RORA: variants seen among roughly 807,000 people sequenced by gnomAD.
RORA encodes the protein RAR related orphan receptor A.
RORA carries 7 observed loss-of-function variants against 69.5 expected under a neutral mutation model. The observed-to-expected ratio is 0.10, with a 90% confidence interval of 0.06 to 0.19. The LOEUF (loss-of-function observed/expected upper bound fraction) is 0.19, where lower values mean the gene tolerates loss of function less well. RORA is among the 10% of genes least tolerant of loss of function. The pLI, the probability that RORA is intolerant of heterozygous loss-of-function variation, is 1.00. For missense variants in RORA, 457 were observed against 663.0 expected, an observed-to-expected ratio of 0.69 and a Z score of 3.41; for synonymous variants, 261 against 240.8, an observed-to-expected ratio of 1.08 and a Z score of -0.78.
chr15:60,771,148 C>A (rs140974082), intron 1 of RORA, among the ~76,000 whole-genome samples: 1 of 151,648 alleles, frequency 6.6e-6, no homozygotes, highest in Non-Finnish European at 1.5e-5. Context: ...TAGACTGACT[C>A]TCTTTTCTTT....
intron 2 of RORA, among the ~76,000 whole-genome samples, chr15:60,591,953 G>A (rs963086052): frequency 1.3e-5 from 2 of 152,036 alleles, no homozygotes; most frequent in African/African-American, 4.8e-5. Flanking sequence ...CTGCCCGGCC[G>A]CGGCGCCTCC....
chr15:60,688,713 G>A (rs1313746917), intron 1 of RORA, among the ~76,000 whole-genome samples: 1 of 152,146 alleles, frequency 6.6e-6, no homozygotes, highest in Non-Finnish European at 1.5e-5. Context: ...GCTGATAAAG[G>A]TCTGAAAAAT....
chr15:60,910,599 G>A (rs1891677966), intron 1 of RORA, among the ~76,000 whole-genome samples: 1 of 152,118 alleles, frequency 6.6e-6, no homozygotes, highest in Admixed American at 6.5e-5. Context: ...TTAGACATGG[G>A]AGGACTGAGA....
intron 1 of RORA, among the ~76,000 whole-genome samples, chr15:60,716,184 G>C (rs1481214090): frequency 6.6e-6 from 1 of 152,166 alleles, no homozygotes; most frequent in African/African-American, 2.4e-5. Context: ...ACTAAACTTT[G>C]AGTAGCAAGA....
chr15:61,162,971 G>C (rs935925317), intron 1 of RORA, among the ~76,000 whole-genome samples: 1 of 152,226 alleles, frequency 6.6e-6, no homozygotes, highest in Non-Finnish European at 1.5e-5. Flanking sequence ...GCACTCAGCA[G>C]AACGATTCAT....
At chr15:61,090,842 C>T (rs1275913948) in intron 1 of RORA, among the ~76,000 whole-genome samples, 1 of 152,144 alleles carries the variant, frequency 6.6e-6, no homozygotes, top group Non-Finnish European at 1.5e-5. Flanking sequence ...TGCCTGATAG[C>T]TTTTGTCACC....
rs34652090 is a variant in RORA at position 61,024,451 on chromosome 15, G to GTT, written c.166+204600_166+204601dup. ...GGTGCAAGCTACCATGCCCGGTAAT[G>GTT]TTTTTTTTTTTTTTTGAGATGGAGT... is the stretch of plus-strand genomic sequence containing the variant. On this transcript the variant is annotated intron_variant, in intron 1 of 10. Coordinates refer to ENST00000335670, the MANE Select transcript of RORA (RefSeq NM_134261.3). Among the ~76,000 whole-genome samples the GTT allele has an allele frequency of 5.2e-3, 698 of 134,752 alleles. 5 individuals are homozygous for GTT. Among genetic ancestry groups the GTT allele is most frequent in the Middle Eastern group, 0.015 (4 of 266 alleles). 88.4% of individuals were successfully genotyped at this position (134,752 alleles called of 152,430 possible).
At chr15:61,164,257 G>A (rs2079522364) in intron 1 of RORA, among the ~76,000 whole-genome samples, 1 of 152,114 alleles carries the variant, frequency 6.6e-6, no homozygotes, top group Non-Finnish European at 1.5e-5. Context: ...CACATTTGCT[G>A]TCTCTCTGTA....
chr15:60,639,261 T>G (rs1596086741), intron 2 of RORA, among the ~76,000 whole-genome samples: 1 of 120,332 alleles, frequency 8.3e-6, no homozygotes, highest in African/African-American at 3.0e-5. Context: ...TGAAAAGAAA[T>G]AAAAACCAAG....
At chr15:60,973,828 T>C (rs1595855035) in intron 1 of RORA, among the ~76,000 whole-genome samples, 2 of 152,298 alleles carry the variant, frequency 1.3e-5, no homozygotes, top group East Asian at 3.9e-4. Flanking sequence ...GTCGGAGACA[T>C]GAATGCTGCC....
chr15:60,663,220 A>G (rs1596106810), intron 2 of RORA, among the ~76,000 whole-genome samples: 1 of 152,308 alleles, frequency 6.6e-6, no homozygotes, highest in East Asian at 1.9e-4. Flanking sequence ...GAATCTGAGC[A>G]TCTATTCTCT....
chr15:60,731,823 T>C (rs1294049714), intron 1 of RORA, among the ~76,000 whole-genome samples: 1 of 152,238 alleles, frequency 6.6e-6, no homozygotes, highest in Non-Finnish European at 1.5e-5. Flanking sequence ...TTAGCAGCCA[T>C]GAGTTTGAAT....
chr15:60,831,125 C>A (rs341391), intron 1 of RORA, among the ~76,000 whole-genome samples: 58,462 of 152,202 alleles, frequency 0.38, 12,198 homozygotes, highest in South Asian at 0.5. Context: ...CTGTGTCTTC[C>A]GCTCTCTTCT....
chr15:60,993,357 G>A lies in RORA; in HGVS notation c.166+235696C>T, dbSNP rs919012264. Among the ~76,000 whole-genome samples the A allele has an allele frequency of 1.1e-4, 17 of 151,484 alleles. No individual in the cohort carries two copies. In the East Asian group the frequency reaches 1.8e-3, roughly 16 times the overall value. On this transcript the variant is annotated intron_variant, in intron 1 of 10. Coordinates refer to ENST00000335670, the MANE Select transcript of RORA (RefSeq NM_134261.3). ...CAAAGCAAGTTAACGACCTGGGATC[G>A]GCTGGGCACAGCGGCTCACTCCTGT...
At chr15:60,650,925 C>G (rs2070133580) in intron 2 of RORA, among the ~76,000 whole-genome samples, 1 of 152,122 alleles carries the variant, frequency 6.6e-6, no homozygotes, top group Non-Finnish European at 1.5e-5. Flanking sequence ...GATTAAGAAA[C>G]AAGCCCAAAG....
At chr15:60,843,674 G>A (rs540357828) in intron 1 of RORA, among the ~76,000 whole-genome samples, 29 of 152,324 alleles carry the variant, frequency 1.9e-4, no homozygotes, top group East Asian at 5.8e-4. Context: ...CCAGGTTCTC[G>A]GAGGGTTAAA....
intron 1 of RORA, among the ~76,000 whole-genome samples, chr15:60,964,982 G>C (rs1369366628): frequency 6.6e-6 from 1 of 152,102 alleles, no homozygotes; most frequent in South Asian, 2.1e-4. Flanking sequence ...TATGCTATGG[G>C]GATGTTCCCT....
chr15:60,790,363 A>C (rs2072397815), intron 1 of RORA, among the ~76,000 whole-genome samples: 1 of 152,206 alleles, frequency 6.6e-6, no homozygotes, highest in Non-Finnish European at 1.5e-5. Flanking sequence ...ACTCAACTAC[A>C]AATGTTGATG....
chr15:60,596,636 C>G (rs551342100), intron 2 of RORA, among the ~76,000 whole-genome samples: 13 of 152,194 alleles, frequency 8.5e-5, no homozygotes, highest in African/African-American at 3.1e-4. Context: ...TAAAGGAACA[C>G]TTACAAATGG....
Sources: allele counts gnomAD v4.1 joint callset (sites outside exome capture counted in the v4.1 genomes callset), GRCh38; gene constraint gnomAD v4.1.1; transcripts MANE v1.5; gene names NCBI Gene and HGNC (gene_info 2026-07-23, HGNC 2026-07-21).